C1GALT1: variants seen among roughly 807,000 people sequenced by gnomAD.
C1GALT1 encodes glycoprotein-N-acetylgalactosamine 3-beta-galactosyltransferase 1.
In C1GALT1, 11 loss-of-function variants were observed where a neutral mutation model predicts 31.0. The ratio of observed to expected loss-of-function variants is 0.36; its 90% CI spans 0.22 to 0.59. C1GALT1 has a LOEUF of 0.59. Among genes scored for constraint, C1GALT1 ranks in the 20% least tolerant of loss-of-function variants. The pLI, the probability that C1GALT1 is intolerant of heterozygous loss-of-function variation, is 0.79. For missense variants in C1GALT1, 424 were observed against 425.2 expected (o/e 1.00, Z 0.03); for synonymous variants, 175 against 143.6 (o/e 1.22, Z -1.56).
chr7:7,209,389 C>T (rs1432701931), intron 1 of C1GALT1: 1 of 152,218 alleles, frequency 6.6e-6, no homozygotes, highest in Non-Finnish European at 1.5e-5. Context: ...ACTTTCTCAC[C>T]TCTTCTGAAA....
chr7:7,183,672 A>AC (rs1257020836), intron 1 of C1GALT1: 4 of 774,962 alleles, frequency 5.2e-6, no homozygotes, highest in Admixed American at 9.3e-5. Context: ...CCGTCTCCCC[A>AC]CCCCCCACCA....
At chr7:7,232,062 G>A (rs532275905) in intron 1 of C1GALT1, among the ~76,000 whole-genome samples, 50 of 152,082 alleles carry the variant, frequency 3.3e-4, no homozygotes, top group Non-Finnish European at 6.5e-4. Flanking sequence ...TAGCTTTATT[G>A]CCCTTGCTGT....
intron 1 of C1GALT1, among the ~76,000 whole-genome samples, chr7:7,213,015 A>G (rs559160561): frequency 6.6e-6 from 1 of 152,330 alleles, no homozygotes; most frequent in Admixed American, 6.5e-5. Context: ...TGACTCTGAA[A>G]AACCAAACAA....
At chr7:7,190,324 C>A (rs952740041) in intron 1 of C1GALT1, among the ~76,000 whole-genome samples, 1 of 151,546 alleles carries the variant, frequency 6.6e-6, no homozygotes. Flanking sequence ...TACAAAATCG[C>A]GATACATGTG....
intron 1 of C1GALT1, among the ~76,000 whole-genome samples, chr7:7,188,932 A>G (rs1179365834): frequency 6.6e-6 from 1 of 152,214 alleles, no homozygotes; most frequent in Admixed American, 6.5e-5. Context: ...ACGATACGAA[A>G]GCAGTTACTT....
chr7:7,199,973 A>T (rs1025294871), intron 1 of C1GALT1, among the ~76,000 whole-genome samples: 15 of 152,108 alleles, frequency 9.9e-5, no homozygotes, highest in Non-Finnish European at 1.8e-4. Context: ...CAGCACACTG[A>T]TGGGTCTTGA....
chr7:7,198,448 A>G (rs1303097659), intron 1 of C1GALT1, among the ~76,000 whole-genome samples: 4 of 152,172 alleles, frequency 2.6e-5, no homozygotes, highest in Non-Finnish European at 5.9e-5. Flanking sequence ...TATTTTATTG[A>G]GGATTTTCAC....
At position 7,187,735 on chromosome 7, in the gene C1GALT1, A is replaced by G. The variant is rs183906876; in HGVS notation, c.-18+4915A>G. The stretch of plus-strand genomic sequence containing the variant: ...GAGGTTGGTGGGAAGCAAGTGTTGT[A>G]GTCAGAGAAGACAGTAGGAAGAGGA... On this transcript the variant is annotated intron_variant, in intron 1 of 3. Coordinates refer to ENST00000436587, the MANE Select transcript of C1GALT1 (RefSeq NM_020156.5). Among the ~76,000 whole-genome samples the G allele has an allele frequency of 2.2e-4, 33 of 152,320 alleles. No homozygotes were observed. In the East Asian group the frequency reaches 6.0e-3, roughly 28 times the overall value.
In C1GALT1 at chr7:7,217,782, C is replaced by CA. The variant is rs1321877279; in HGVS notation, c.-17-16520dup. Among the ~76,000 whole-genome samples, 3 of 152,246 alleles carry CA rather than the reference C, an allele frequency of 2.0e-5. No homozygotes were observed. The East Asian group carries it at 5.8e-4, about 29-fold the overall frequency. On this transcript the variant is annotated intron_variant, in intron 1 of 3. Transcript: ENST00000436587. Reference sequence around the variant, plus strand: ...TTGTCCTGAGCTCACGTGATACTCCCACCTTGGCCTCCTAAAATTCTGGGA... The same window carrying CA: ...TTGTCCTGAGCTCACGTGATACTCCCAACCTTGGCCTCCTAAAATTCTGGGA...
At chr7:7,198,329 T>G (rs1781387533) in intron 1 of C1GALT1, among the ~76,000 whole-genome samples, 1 of 152,216 alleles carries the variant, frequency 6.6e-6, no homozygotes, top group Non-Finnish European at 1.5e-5. Context: ...ATATGATGGA[T>G]TACGTTTATT....
At chr7:7,193,424 C>G (rs183317894) in intron 1 of C1GALT1, among the ~76,000 whole-genome samples, 5 of 152,132 alleles carry the variant, frequency 3.3e-5, no homozygotes, top group African/African-American at 1.2e-4. Context: ...CCTTTCCCCA[C>G]TTTACGTTTG....
intron 3 of C1GALT1, among the ~76,000 whole-genome samples, chr7:7,241,769 TTGAG>T (rs1388593976): frequency 6.6e-6 from 1 of 151,994 alleles, no homozygotes; most frequent in African/African-American, 2.4e-5. Flanking sequence ...CTTGAGATTC[TTGAG>T]TTTTTTTGGG....
At chr7:7,215,227 A>G (rs1782180664) in intron 1 of C1GALT1, among the ~76,000 whole-genome samples, 1 of 152,206 alleles carries the variant, frequency 6.6e-6, no homozygotes, top group South Asian at 2.1e-4. Flanking sequence ...CTGGGCCTGC[A>G]TCCTAACCTA....
At chr7:7,176,457 TCAATTGAGAAAA>T (rs556301361) in intron 2 of C1GALT1, among the ~76,000 whole-genome samples, 267 of 152,318 alleles carry the variant, frequency 1.8e-3, no homozygotes, top group African/African-American at 6.0e-3. Context: ...CTGTTTCTCA[TCAATTGAGAAAA>T]CAATTAAGGA....
chr7:7,238,162 TTGAAATTAGGACAG>T lies in C1GALT1; in HGVS notation c.221-90_221-77del. On this transcript the variant is annotated intron_variant, in intron 2 of 3. Coordinates refer to ENST00000436587, the MANE Select transcript of C1GALT1 (RefSeq NM_020156.5). The surrounding 1 kb of genome is among the most constrained non-coding windows in gnomAD (Gnocchi z 5.2). ...ACTAATAGAGGGATAAATAGGGACTTTGAAATTAGGACAGTGCTTTCTTCAGTATAATTTATTAA... is the reference window on the plus strand; with the variant it reads ...ACTAATAGAGGGATAAATAGGGACTTTGCTTTCTTCAGTATAATTTATTAA... The T allele has an allele frequency of 8.0e-7, 1 of 1,248,046 alleles. No homozygotes were observed. The highest frequency in any genetic ancestry group is 1.1e-6 in the Non-Finnish European group (1 of 913,188). The allele number at this position is 1,248,046 out of a possible 1,614,324, so 77.3% of individuals were successfully genotyped here.
chr7:7,234,635 T>C lies in C1GALT1; in HGVS notation c.220+96T>C, dbSNP rs73674698. ...TATCTGTTAATTAAAATGGGCTATA[T>C]ATTCCAGATATTAAAAATAATTCTT... On this transcript the variant is annotated intron_variant, in intron 2 of 3. Transcript: ENST00000436587. 1,820 of 805,014 alleles carry C rather than the reference T, an allele frequency of 2.3e-3. 24 individuals are homozygous for C. In the African/African-American group the frequency reaches 0.027, roughly 12 times the overall value. The allele number at this position is 805,014 out of a possible 1,614,324, so 49.9% of individuals were successfully genotyped here.
At chr7:7,183,605 C>A (rs1780687273) in intron 1 of C1GALT1, 1 of 984,158 alleles carries the variant, frequency 1.0e-6, no homozygotes, top group African/African-American at 1.7e-5. Flanking sequence ...GTAAGTCGTA[C>A]ACTCTTAAAA....
intron 1 of C1GALT1, among the ~76,000 whole-genome samples, chr7:7,185,752 G>T (rs1481158480): frequency 6.6e-6 from 1 of 152,186 alleles, no homozygotes; most frequent in African/African-American, 2.4e-5. Context: ...ATAAGGTCAC[G>T]TGCAGAGGTA....
chr7:7,236,183 G>C (rs1783332336), intron 2 of C1GALT1, among the ~76,000 whole-genome samples: 1 of 151,976 alleles, frequency 6.6e-6, no homozygotes, highest in Non-Finnish European at 1.5e-5. Flanking sequence ...TCAGGCTCAG[G>C]CTCCCTGAAT....
Sources: allele counts gnomAD v4.1 joint callset (sites outside exome capture counted in the v4.1 genomes callset), GRCh38; gene constraint gnomAD v4.1.1; non-coding constraint Gnocchi (gnomAD v3.1); transcripts MANE v1.5; gene names NCBI Gene and HGNC (gene_info 2026-07-23, HGNC 2026-07-21).